Variants in LMX1A observed in about 807,000 individuals in gnomAD.
LMX1A encodes LIM homeobox transcription factor 1-alpha.
A neutral mutation model predicts 49.1 loss-of-function variants in LMX1A; 15 were observed. The ratio of observed to expected loss-of-function variants is 0.31; its 90% CI spans 0.20 to 0.47. LMX1A has a LOEUF of 0.47. Among genes scored for constraint, LMX1A ranks in the 20% least tolerant of loss-of-function variants. LMX1A has a pLI of 1.00. For synonymous variants in LMX1A, 167 were observed against 185.7 expected (o/e 0.90, Z 0.82); for missense variants, 372 against 475.8 (o/e 0.78, Z 2.03).
intron 3 of LMX1A, among the ~76,000 whole-genome samples, chr1:165,342,473 T>G (rs1656104839): frequency 6.6e-6 from 1 of 152,094 alleles, no homozygotes; most frequent in Admixed American, 6.5e-5. Context: ...GAAAATGGAT[T>G]CTGCTTGCCT....
chr1:165,339,506 G>A (rs1317492942), intron 3 of LMX1A, among the ~76,000 whole-genome samples: 1 of 152,228 alleles, frequency 6.6e-6, no homozygotes, highest in African/African-American at 2.4e-5. Flanking sequence ...AGGCCGGTGA[G>A]CTTCGCATTG....
intron 3 of LMX1A, among the ~76,000 whole-genome samples, chr1:165,276,662 A>C (rs78335609): frequency 0.35 from 45,684 of 131,814 alleles, 7,338 homozygotes; most frequent in African/African-American, 0.45. Flanking sequence ...AAGAAAAGTC[A>C]AAAAAAAAAA....
At chr1:165,221,414 T>C (rs1184941746) in intron 4 of LMX1A, among the ~76,000 whole-genome samples, 1 of 152,000 alleles carries the variant, frequency 6.6e-6, no homozygotes, top group Non-Finnish European at 1.5e-5. Flanking sequence ...CCAACTATCC[T>C]GCCCTGCCAC....
intron 5 of LMX1A, among the ~76,000 whole-genome samples, chr1:165,211,931 C>T (rs1432591627): frequency 2.6e-5 from 4 of 152,162 alleles, no homozygotes; most frequent in Non-Finnish European, 5.9e-5. Context: ...TGCTGGTTAC[C>T]TGGAAGCTGC....
In LMX1A at chr1:165,311,321, T is replaced by C. The variant is rs150046598; in HGVS notation, c.263+41755A>G. ...CTGTAAAAAGAATCTTAGGCCCAGT[T>C]ATCCTTGGACCACATTCCCAGCTTT... On this transcript the variant is annotated intron_variant, in intron 3 of 8. Coordinates refer to ENST00000342310, the MANE Select transcript of LMX1A (RefSeq NM_177398.4). Among the ~76,000 whole-genome samples the C allele has an allele frequency of 1.3e-3, 201 of 152,344 alleles. 1 individual carries two copies. Among genetic ancestry groups the C allele is most frequent in the African/African-American group, 4.5e-3 (189 of 41,570 alleles).
intron 3 of LMX1A, among the ~76,000 whole-genome samples, chr1:165,346,000 A>G (rs1256163422): frequency 6.6e-6 from 1 of 152,252 alleles, no homozygotes; most frequent in East Asian, 1.9e-4. Flanking sequence ...AGTCAAGTTA[A>G]TAAAATTCTA....
chr1:165,301,420 T>C (rs1654771179), intron 3 of LMX1A, among the ~76,000 whole-genome samples: 1 of 152,188 alleles, frequency 6.6e-6, no homozygotes, highest in Non-Finnish European at 1.5e-5. Flanking sequence ...TAACACATTA[T>C]GATTTCTGTA....
intron 3 of LMX1A, among the ~76,000 whole-genome samples, chr1:165,293,794 T>C (rs538234707): frequency 6.6e-6 from 1 of 152,268 alleles, no homozygotes; most frequent in East Asian, 1.9e-4. Context: ...CTCAGGCCCC[T>C]TTTATAAGGG....
rs895035675 is a variant in LMX1A at position 165,231,302 on chromosome 1, T to A, written c.497-17489A>T. On this transcript the variant is annotated intron_variant, in intron 4 of 8. Coordinates refer to ENST00000342310, the MANE Select transcript of LMX1A (RefSeq NM_177398.4). The stretch of plus-strand genomic sequence containing the variant: ...TAGAAACTGGCTTAGTTTTTTTTTT[T>A]TTATTATTTTTATTTTTGGAGACAG... Among the ~76,000 whole-genome samples, 483 of 151,656 alleles carry A rather than the reference T, an allele frequency of 3.2e-3. 3 individuals are homozygous for A. Among genetic ancestry groups the A allele is most frequent in the African/African-American group, 8.2e-3 (341 of 41,386 alleles).
rs570924839 is a variant in LMX1A at position 165,219,531 on chromosome 1, A to T, written c.497-5718T>A. 2.0e-5 allele frequency among the ~76,000 whole-genome samples: 3 copies of T among 152,326 alleles called. No individual in the cohort carries two copies. In the South Asian group the frequency reaches 6.2e-4, roughly 32 times the overall value. On this transcript the variant is annotated intron_variant, in intron 4 of 8. Coordinates refer to ENST00000342310, the MANE Select transcript of LMX1A (RefSeq NM_177398.4). The stretch of plus-strand genomic sequence containing the variant: ...TTCAGTCACTGCCCTGCACTATAGG[A>T]CTAAAATTCCATTCTCCCTGACAAT...
At chr1:165,236,766 T>C (rs941909886) in intron 4 of LMX1A, among the ~76,000 whole-genome samples, 8 of 54,040 alleles carry the variant, frequency 1.5e-4, no homozygotes, top group African/African-American at 6.3e-4. Context: ...ATTAACTCAC[T>C]TAGGAAGCTT....
intron 3 of LMX1A, among the ~76,000 whole-genome samples, chr1:165,281,379 G>A (rs1654143725): frequency 1.3e-5 from 2 of 152,178 alleles, no homozygotes. Context: ...TCAGGATTAG[G>A]AGCAAAGTCT....
chr1:165,346,202 C>G (rs922560458), intron 3 of LMX1A, among the ~76,000 whole-genome samples: 1 of 152,196 alleles, frequency 6.6e-6, no homozygotes, highest in Admixed American at 6.5e-5. Context: ...ATCTATCACT[C>G]TATTATACAA....
chr1:165,208,564 G>C (rs1401252039), intron 6 of LMX1A, among the ~76,000 whole-genome samples: 1 of 152,206 alleles, frequency 6.6e-6, no homozygotes, highest in African/African-American at 2.4e-5. Flanking sequence ...CCTTAAGATT[G>C]AGATGAGCCT....
intron 3 of LMX1A, among the ~76,000 whole-genome samples, chr1:165,266,945 TTCTC>T (rs1424496945): frequency 1.3e-5 from 2 of 151,886 alleles, no homozygotes; most frequent in African/African-American, 2.4e-5. Context: ...CTCTCTTTCT[TTCTC>T]TCTCTTTTTC....
At chr1:165,265,877 A>G (rs1235629920) in intron 3 of LMX1A, among the ~76,000 whole-genome samples, 2 of 152,218 alleles carry the variant, frequency 1.3e-5, no homozygotes, top group African/African-American at 4.8e-5. Context: ...TATAGGCACA[A>G]CTGGGAGAAA....
At chr1:165,310,069 G>C (rs1655031896) in intron 3 of LMX1A, among the ~76,000 whole-genome samples, 1 of 152,160 alleles carries the variant, frequency 6.6e-6, no homozygotes, top group Non-Finnish European at 1.5e-5. Context: ...TATAACTAAA[G>C]GGCATAGCTC....
At chr1:165,305,263 C>T (rs1654890144) in intron 3 of LMX1A, among the ~76,000 whole-genome samples, 1 of 152,112 alleles carries the variant, frequency 6.6e-6, no homozygotes, top group South Asian at 2.1e-4. Context: ...GACTCGTCGA[C>T]ACATATTGCC....
intron 3 of LMX1A, among the ~76,000 whole-genome samples, chr1:165,296,471 A>G (rs189032217): frequency 6.6e-5 from 10 of 152,340 alleles, no homozygotes; most frequent in South Asian, 2.1e-4. Context: ...TGTGTGCCCA[A>G]TTGCATGTGG....
Sources: allele counts gnomAD v4.1 joint callset (sites outside exome capture counted in the v4.1 genomes callset), GRCh38; gene constraint gnomAD v4.1.1; transcripts MANE v1.5; gene names NCBI Gene and HGNC (gene_info 2026-07-23, HGNC 2026-07-21).